Variants in KLHL23 observed in about 807,000 individuals in gnomAD.
KLHL23 encodes the protein kelch-like protein 23.
A neutral mutation model predicts 48.9 loss-of-function variants in KLHL23; 33 were observed. The ratio of observed to expected loss-of-function variants is 0.67; its 90% CI spans 0.51 to 0.90. KLHL23 has a LOEUF of 0.90. Ranked by LOEUF, KLHL23 falls within the 40% of genes least tolerant of loss-of-function variation. The pLI is 0.00. For synonymous variants in KLHL23, 234 were observed against 231.6 expected (o/e 1.01, Z -0.09); for missense variants, 608 against 669.6 (o/e 0.91, Z 1.02).
At position 169,741,547 on chromosome 2, in the gene KLHL23, A is replaced by G. The variant is rs370378879; in HGVS notation, c.1366+10A>G. On this transcript the variant is annotated intron_variant, in intron 3 of 3. Transcript: ENST00000392647. ...TCCAGTCCACATCCAGGTAACAAAA[A>G]TACTGTCTCAAATAGTGTATGTTGT... 8 of 1,611,570 alleles carry G rather than the reference A, an allele frequency of 5.0e-6. No individual in the cohort carries two copies. Among genetic ancestry groups the G allele is most frequent in the Non-Finnish European group, 5.9e-6 (7 of 1,178,540 alleles).
intron 2 of KLHL23, among the ~76,000 whole-genome samples, chr2:169,737,675 C>T (rs1688551766): frequency 6.7e-6 from 1 of 149,680 alleles, no homozygotes; most frequent in Non-Finnish European, 1.5e-5. Context: ...AATGCAGTGG[C>T]GTGATCTTGG....
chr2:169,750,362 A>G lies in KLHL23; in HGVS notation c.*630A>G, dbSNP rs562758921. On this transcript the variant is annotated 3_prime_UTR_variant, in exon 4 of 4. Coordinates refer to ENST00000392647, the MANE Select transcript of KLHL23 (RefSeq NM_144711.6). ...AATATAGTAGATAGTGCATATTAAG[A>G]TGTCTGGCTGGGCATGGTGGCTCAT... 6.6e-6 allele frequency: 1 copy of G among 152,104 alleles called. No homozygotes were observed. Among genetic ancestry groups the G allele is most frequent in the African/African-American group, 2.4e-5 (1 of 41,250 alleles). The allele number at this position is 152,104 out of a possible 1,614,324, so 9.4% of individuals were successfully genotyped here.
At chr2:169,739,358 A>T (rs116383030) in intron 2 of KLHL23, among the ~76,000 whole-genome samples, 4,917 of 152,132 alleles carry the variant, frequency 0.032, 103 homozygotes, top group East Asian at 0.1. Context: ...ATCTGGCTGA[A>T]TTAAATCCAG....
At chr2:169,747,647 G>A (rs1453632133) in intron 3 of KLHL23, among the ~76,000 whole-genome samples, 1 of 151,984 alleles carries the variant, frequency 6.6e-6, no homozygotes, top group Admixed American at 6.6e-5. Flanking sequence ...AGAGGGGCTT[G>A]CTTATAAGCT....
chr2:169,734,208 AGAGGAGCGCAGACAATGGCCGCGCGGGC>A (rs1319060466), intron 1 of KLHL23, 121 bp downstream of exon 1: 1 of 139,708 alleles, frequency 7.2e-6, no homozygotes, highest in African/African-American at 2.5e-5. Context: ...GCCGCGCGGG[AGAGGAGCGCAGACAATGGCCGCGCGGGC>A]GCCGGGCCGG....
In KLHL23 at chr2:169,735,913, T is replaced by A; in HGVS notation, c.899T>A (p.Ile300Asn). The A allele has an allele frequency of 6.2e-7, 1 of 1,614,136 alleles. No individual in the cohort carries two copies. Among genetic ancestry groups the A allele is most frequent in the Non-Finnish European group, 8.5e-7 (1 of 1,180,042 alleles). Residue 300 changes from isoleucine (I) to asparagine (N), a missense_variant, in exon 2 of 4, where the codon ATT becomes AAT. Ile to Asn is a moderately radical substitution (Grantham distance 149). Coordinates refer to ENST00000392647, the MANE Select transcript of KLHL23 (RefSeq NM_144711.6). This position sits in a 1 kb window ranked among gnomAD's most constrained non-coding sequence, Gnocchi z 4.5. The stretch of plus-strand genomic sequence containing the variant: ...TGGGATCCTTTGACAAATGTTTGGA[T>A]TCAGGGAGCAGAAATACCAGATTAT... ...HIWDPLTNVW[I>N]QGAEIPDYTR...
intron 2 of KLHL23, among the ~76,000 whole-genome samples, chr2:169,740,767 T>TATATATATATATAA (rs1558947720): frequency 6.1e-5 from 1 of 16,464 alleles, no homozygotes; most frequent in Non-Finnish European, 1.1e-4. Context: ...TTTTTTATAT[T>TATATATATATATAA]ATATATATAT....
intron 3 of KLHL23, among the ~76,000 whole-genome samples, chr2:169,744,135 A>C (rs1469236714): frequency 6.6e-6 from 1 of 152,228 alleles, no homozygotes; most frequent in African/African-American, 2.4e-5. Flanking sequence ...ATAATTATGT[A>C]AGATGATTAA....
At position 169,735,777 on chromosome 2, in the gene KLHL23, C is replaced by T; in HGVS notation, c.763C>T (p.Leu255=). 6.2e-7 allele frequency: 1 copy of T among 1,614,104 alleles called. No individual in the cohort carries two copies. Among genetic ancestry groups the T allele is most frequent in the Non-Finnish European group, 8.5e-7 (1 of 1,180,040 alleles). The change falls in exon 2 of 4, where the codon CTA becomes TTA. Residue 255 remains leucine, a synonymous_variant. Transcript: ENST00000392647. The surrounding 1 kb of genome is among the most constrained non-coding windows in gnomAD (Gnocchi z 4.5). ...CLLTENKIRS[L]IYNALNPMHK... is the part of the protein sequence containing the mutation. ...GCTCACCGAAAATAAGATCCGCTCC[C>T]TAATATACAATGCCTTGAATCCCAT...
intron 2 of KLHL23, among the ~76,000 whole-genome samples, chr2:169,736,507 C>T (rs1373378420): frequency 6.6e-6 from 1 of 152,078 alleles, no homozygotes; most frequent in African/African-American, 2.4e-5. Context: ...CTTTAAAATT[C>T]TGCTATTCAA....
intron 3 of KLHL23, among the ~76,000 whole-genome samples, chr2:169,747,546 C>T (rs1688824970): frequency 6.6e-6 from 1 of 150,622 alleles, no homozygotes; most frequent in South Asian, 2.1e-4. Flanking sequence ...AAGCAATCCT[C>T]CAGCCTCAGC....
chr2:169,742,970 A>G (rs1221292211), intron 3 of KLHL23, among the ~76,000 whole-genome samples: 2 of 152,210 alleles, frequency 1.3e-5, no homozygotes, highest in Non-Finnish European at 2.9e-5. Context: ...TACTGTTTTT[A>G]TCACATTTTA....
rs1688915289 is a variant in KLHL23, at chr2:169,749,996, C to CATATGTGTATATATACGTATGTATGT, written c.*268_*269insGTGTATATATACGTATGTATGTATAT. The CATATGTGTATATATACGTATGTATGT allele has an allele frequency of 7.4e-6, 1 of 135,238 alleles. No individual in the cohort carries two copies. Among genetic ancestry groups the CATATGTGTATATATACGTATGTATGT allele is most frequent in the African/African-American group, 3.4e-5 (1 of 29,650 alleles). The allele number at this position is 135,238 out of a possible 1,614,324, so 8.4% of individuals were successfully genotyped here. ...ATATGTGTATATATACGTATGTATA[C>CATATGTGTATATATACGTATGTATGT]ATATATGTGTATATATACGTATGTA... is the stretch of plus-strand genomic sequence containing the variant. On this transcript the variant is annotated 3_prime_UTR_variant, in exon 4 of 4. Coordinates refer to ENST00000392647, the MANE Select transcript of KLHL23 (RefSeq NM_144711.6).
At chr2:169,736,633 G>A (rs1016278678) in intron 2 of KLHL23, among the ~76,000 whole-genome samples, 2 of 152,080 alleles carry the variant, frequency 1.3e-5, no homozygotes, top group Non-Finnish European at 2.9e-5. Context: ...TAGAGACAAC[G>A]TCTGCTTTTG....
At position 169,741,404 on chromosome 2, in the gene KLHL23, C is replaced by T. The variant is rs1688673157; in HGVS notation, c.1233C>T (p.Ala411=). ...ACGTAGGTGTGGGAAATGCTACTGCCTGTGTCTTACATGATGTTATCTACG... is the reference window on the plus strand; with the variant it reads ...ACGTAGGTGTGGGAAATGCTACTGCTTGTGTCTTACATGATGTTATCTACG... ...NMIKGVGNAT[A]CVLHDVIYVI... The change falls in exon 3 of 4, where the codon GCC becomes GCT. Residue 411 remains alanine, a synonymous_variant. Transcript: ENST00000392647. 6.2e-7 allele frequency: 1 copy of T among 1,612,298 alleles called. No individual in the cohort carries two copies.
Position 169,749,821 on chromosome 2 carries a change from A to G in KLHL23, c.*89A>G, listed in dbSNP as rs1409196726. ...CAGGGTTTGAAGTTCCTTACCTGAT[A>G]ATTGTGTCTGGCACATGATAGGGGA... On this transcript the variant is annotated 3_prime_UTR_variant, in exon 4 of 4. Transcript: ENST00000392647. The G allele has an allele frequency of 4.6e-5, 67 of 1,462,506 alleles. No individual in the cohort carries two copies. The allele number at this position is 1,462,506 out of a possible 1,614,324, so 90.6% of individuals were successfully genotyped here.
chr2:169,741,512 C>A lies in KLHL23; in HGVS notation c.1341C>A (p.Ser447Arg). 1 of 1,613,702 alleles carries A rather than the reference C, an allele frequency of 6.2e-7. No homozygotes were observed. Among genetic ancestry groups the A allele is most frequent in the Non-Finnish European group, 8.5e-7 (1 of 1,179,792 alleles). The change falls in exon 3 of 4, where the codon AGC (serine) becomes AGA (arginine). Residue 447 changes from serine to arginine, a missense_variant. Around this residue, in one of 3 missense-constraint regions of KLHL23, gnomAD observed 179 missense variants for 169.9 expected, o/e 1.05. Coordinates refer to ENST00000392647, the MANE Select transcript of KLHL23 (RefSeq NM_144711.6). ...ACAATTCCGATATCAACGAATGGAG[C>A]CTCATCACCTCCAGTCCACATCCAG... ...QSYNSDINEW[S>R]LITSSPHPEY...
rs746281627 is a variant in KLHL23 at position 169,735,685 on chromosome 2, G to A, written c.671G>A (p.Ser224Asn). 6.2e-7 allele frequency: 1 copy of A among 1,613,958 alleles called. No homozygotes were observed. Among genetic ancestry groups the A allele is most frequent in the South Asian group, 1.1e-5 (1 of 91,068 alleles). ...NRIECLYNLLSYINIDIDPVY... is the reference protein window; with the variant it reads ...NRIECLYNLLNYINIDIDPVY... ...ATTGAATGCCTCTATAATCTACTGA[G>A]CTATATCAACATTGATATAGATCCA... Residue 224 changes from serine (S) to asparagine (N), a missense_variant, in exon 2 of 4, where the codon AGC becomes AAC. This residue lies in a region of KLHL23 where 419 missense variants were observed against 473.1 expected (regional missense o/e 0.89). Coordinates refer to ENST00000392647, the MANE Select transcript of KLHL23 (RefSeq NM_144711.6). This position sits in a 1 kb window ranked among gnomAD's most constrained non-coding sequence, Gnocchi z 4.5.
chr2:169,740,766 T>TAATATATATATATATA (rs1553477017), intron 2 of KLHL23, among the ~76,000 whole-genome samples: 3,043 of 125,248 alleles, frequency 0.024, 151 homozygotes, highest in Middle Eastern at 0.043. Context: ...CTTTTTTATA[T>TAATATATATATATATA]TATATATATA....
Sources: gnomAD v4.1 joint callset for allele counts (sites outside exome capture counted in the v4.1 genomes callset) on GRCh38, gnomAD v4.1.1 for gene constraint, gnomAD v4.1.1 regional missense constraint, Gnocchi (gnomAD v3.1) non-coding constraint, MANE v1.5 for transcripts, NCBI Gene and HGNC (gene_info 2026-07-23, HGNC 2026-07-21) for gene names.